Variants in TENM2 observed in about 807,000 individuals in gnomAD.
TENM2 encodes the protein teneurin transmembrane protein 2.
TENM2 carries 52 observed loss-of-function variants against 245.2 expected under a neutral mutation model. The ratio of observed to expected loss-of-function variants is 0.21; its 90% CI spans 0.17 to 0.27. The LOEUF is 0.27. TENM2 is among the 10% of genes least tolerant of loss of function. TENM2 has a pLI of 1.00. For synonymous variants in TENM2, 1,363 were observed against 1,438.9 expected (o/e 0.95, Z 1.19); for missense variants, 3,046 against 3,666.8 (o/e 0.83, Z 4.37).
At chr5:168,204,210 C>T (rs144176792) in intron 18 of TENM2, among the ~76,000 whole-genome samples, 162 bp from the exon 21 acceptor site, 316 of 152,012 alleles carry the variant, frequency 2.1e-3, no homozygotes, top group African/African-American at 6.6e-3. Context: ...CATTTGGGGT[C>T]CACCTCTCCC....
the TENM2 span, among the ~76,000 whole-genome samples, chr5:167,218,375 T>G: frequency 6.6e-6 from 1 of 152,194 alleles, no homozygotes; most frequent in Non-Finnish European, 1.5e-5. Context: ...TTTTAAATTT[T>G]TTTTCCCCTC....
In TENM2 at chr5:167,859,737, G is replaced by A. The variant is rs1470012190; in HGVS notation, c.503-16249G>A. Among the ~76,000 whole-genome samples the A allele has an allele frequency of 6.5e-4, 66 of 101,248 alleles. 1 individual carries two copies. The highest frequency in any genetic ancestry group is 1.8e-3 in the African/African-American group (38 of 21,326). 66.4% of individuals were successfully genotyped at this position (101,248 alleles called of 152,430 possible). On this transcript the variant is annotated intron_variant, in intron 2 of 28. Coordinates refer to ENST00000518659, the Ensembl canonical transcript of TENM2. ...CGCCCCGTCCGGGAGGGAGGTGGGGGGATCAGCCCCCCGCCCGGCCAGCCG... is the reference window on the plus strand; with the variant it reads ...CGCCCCGTCCGGGAGGGAGGTGGGGAGATCAGCCCCCCGCCCGGCCAGCCG...
At chr5:167,216,691 C>T in the TENM2 span, among the ~76,000 whole-genome samples, 1 of 152,114 alleles carries the variant, frequency 6.6e-6, no homozygotes, top group South Asian at 2.1e-4. Context: ...CTTTGGAGGC[C>T]AAGGCCCTTG....
chr5:167,282,458 A>G (rs1456014676), upstream of TENM2, among the ~76,000 whole-genome samples: 1 of 152,246 alleles, frequency 6.6e-6, no homozygotes, highest in Non-Finnish European at 1.5e-5. Flanking sequence ...TTTTAAAATC[A>G]TTCAGAGGAG....
At chr5:167,788,920 G>C (rs1384320898) in intron 2 of TENM2, among the ~76,000 whole-genome samples, 1 of 152,090 alleles carries the variant, frequency 6.6e-6, no homozygotes, top group Non-Finnish European at 1.5e-5. Context: ...AGTCCTAATA[G>C]CAACTCTTCA....
At chr5:167,384,358 A>G (rs1466844381) in intron 2 of TENM2, among the ~76,000 whole-genome samples, 1 of 152,148 alleles carries the variant, frequency 6.6e-6, no homozygotes, top group African/African-American at 2.4e-5. Flanking sequence ...TATGGAAATG[A>G]GATGATGGAT....
At chr5:168,160,702 T>C (rs116286664) in intron 12 of TENM2, among the ~76,000 whole-genome samples, 1,539 of 152,294 alleles carry the variant, frequency 0.01, 20 homozygotes, top group African/African-American at 0.035. Flanking sequence ...CTTGAGACCT[T>C]GCTTCTTAGG....
exon 25 of TENM2, chr5:168,227,969 A>G: frequency 6.2e-7 from 1 of 1,613,742 alleles, no homozygotes; most frequent in Non-Finnish European, 8.5e-7. Context: ...GATGGGTATC[A>G]GCTTCCACAG....
the TENM2 span, among the ~76,000 whole-genome samples, chr5:167,185,217 G>A: frequency 6.6e-6 from 1 of 152,054 alleles, no homozygotes; most frequent in East Asian, 1.9e-4. Context: ...GAATCTTTGG[G>A]GAGAGAAGGG....
At chr5:168,217,776 G>A (rs1024157331) in intron 22 of TENM2, among the ~76,000 whole-genome samples, 3 of 152,114 alleles carry the variant, frequency 2.0e-5, no homozygotes, top group African/African-American at 7.2e-5. Context: ...AGTATGGGCT[G>A]GATGGCATGG....
chr5:167,058,601 A>T, the TENM2 span, among the ~76,000 whole-genome samples: 1 of 152,098 alleles, frequency 6.6e-6, no homozygotes, highest in Non-Finnish European at 1.5e-5. Flanking sequence ...TCTATAAAAA[A>T]TCAGCCAGGT....
chr5:167,290,486 C>G (rs1427089777), intron 1 of TENM2, among the ~76,000 whole-genome samples: 1 of 152,166 alleles, frequency 6.6e-6, no homozygotes, highest in Non-Finnish European at 1.5e-5. Context: ...ATCACTTGCT[C>G]TCCGACCCTA....
chr5:167,185,158 T>C, the TENM2 span, among the ~76,000 whole-genome samples: 1 of 152,106 alleles, frequency 6.6e-6, no homozygotes, highest in African/African-American at 2.4e-5. Context: ...TGTTTCTGTT[T>C]CTCTGGAGAA....
intron 2 of TENM2, among the ~76,000 whole-genome samples, chr5:167,763,192 T>A (rs1337186312): frequency 6.6e-6 from 1 of 152,210 alleles, no homozygotes; most frequent in Non-Finnish European, 1.5e-5. Context: ...TCAAAGCAAG[T>A]GAATGCTTTA....
intron 3 of TENM2, among the ~76,000 whole-genome samples, chr5:167,907,648 G>A (rs75149219): frequency 0.07 from 10,172 of 146,170 alleles, 397 homozygotes; most frequent in East Asian, 0.13. Flanking sequence ...CATGCCTATA[G>A]TCCCAACACT....
intron 7 of TENM2, among the ~76,000 whole-genome samples, chr5:168,074,166 T>G (rs1791261774): frequency 6.6e-6 from 1 of 152,156 alleles, no homozygotes; most frequent in Non-Finnish European, 1.5e-5. Flanking sequence ...TTGAGACACT[T>G]TACCCTTTTC....
At chr5:167,437,701 T>C (rs1326711198) in intron 2 of TENM2, among the ~76,000 whole-genome samples, 1 of 152,066 alleles carries the variant, frequency 6.6e-6, no homozygotes, top group Non-Finnish European at 1.5e-5. Flanking sequence ...GAATTACGGC[T>C]GCGGGTCTTT....
At chr5:167,354,151 G>T (rs986444128) in intron 1 of TENM2, among the ~76,000 whole-genome samples, 1 of 152,150 alleles carries the variant, frequency 6.6e-6, no homozygotes, top group Non-Finnish European at 1.5e-5. Context: ...AAGACCAGCC[G>T]GAACTGCCAA....
chr5:167,772,463 A>G (rs1763462284), intron 2 of TENM2, among the ~76,000 whole-genome samples: 1 of 152,016 alleles, frequency 6.6e-6, no homozygotes, highest in African/African-American at 2.4e-5. Context: ...CTCTCTATTC[A>G]TTGTGGAAGT....
Sources: gnomAD v4.1 joint callset for allele counts (sites outside exome capture counted in the v4.1 genomes callset) on GRCh38, gnomAD v4.1.1 for gene constraint, MANE v1.5 for transcripts, NCBI Gene and HGNC (gene_info 2026-07-23, HGNC 2026-07-21) for gene names.